TRAPPC12: variants seen among roughly 807,000 people sequenced by gnomAD.
The protein encoded by TRAPPC12 is TPR repeat protein 15.
A neutral mutation model predicts 69.2 loss-of-function variants in TRAPPC12; 61 were observed. That is an observed-to-expected ratio of 0.88 (90% CI 0.72 to 1.09). The LOEUF is 1.09. Among genes scored for constraint, TRAPPC12 ranks in the 50% least tolerant of loss-of-function variants. TRAPPC12 has a pLI of 0.00. For missense variants in TRAPPC12, 1,101 were observed against 1,016.4 expected (o/e 1.08, Z -1.13); for synonymous variants, 469 against 438.9 (o/e 1.07, Z -0.86).
At chr2:3,427,383 A>G (rs1663168177) in intron 5 of TRAPPC12, among the ~76,000 whole-genome samples, 1 of 152,180 alleles carries the variant, frequency 6.6e-6, no homozygotes, top group African/African-American at 2.4e-5. Flanking sequence ...CAGAAAACTC[A>G]GGTCATTGAG....
intron 3 of TRAPPC12, among the ~76,000 whole-genome samples, chr2:3,403,560 T>C (rs1661571167): frequency 6.6e-6 from 1 of 152,202 alleles, no homozygotes; most frequent in Non-Finnish European, 1.5e-5. Context: ...CAAACTTTAG[T>C]TCCTAAAGAT....
intron 9 of TRAPPC12, among the ~76,000 whole-genome samples, chr2:3,476,769 C>G (rs1003001917): frequency 6.6e-5 from 10 of 152,176 alleles, no homozygotes; most frequent in Non-Finnish European, 1.5e-4. Flanking sequence ...TGCCCCAGCC[C>G]TCCTCATGGA....
intron 5 of TRAPPC12, among the ~76,000 whole-genome samples, chr2:3,429,038 T>A (rs971044306): frequency 1.3e-5 from 2 of 152,250 alleles, no homozygotes; most frequent in African/African-American, 2.4e-5. Flanking sequence ...GCACCCAGGC[T>A]GCAAGCGGGA....
At chr2:3,404,182 C>T (rs1421270964) in intron 3 of TRAPPC12, among the ~76,000 whole-genome samples, 1 of 152,154 alleles carries the variant, frequency 6.6e-6, no homozygotes, top group Non-Finnish European at 1.5e-5. Context: ...CTTTCCGAAG[C>T]ATGGGTGGGG....
chr2:3,439,842 T>C (rs764375800), intron 5 of TRAPPC12, among the ~76,000 whole-genome samples: 5 of 152,162 alleles, frequency 3.3e-5, no homozygotes. Flanking sequence ...TAGTCTGTTA[T>C]TGGAGTTCAT....
chr2:3,457,437 A>G (rs957659851), intron 6 of TRAPPC12, among the ~76,000 whole-genome samples, 184 bp from the exon 7 acceptor site: 1 of 152,224 alleles, frequency 6.6e-6, no homozygotes, highest in Admixed American at 6.5e-5. Flanking sequence ...AATCTAAAAT[A>G]AAGTTGCAAT....
intron 5 of TRAPPC12, among the ~76,000 whole-genome samples, chr2:3,440,823 AG>A (rs369992746): frequency 5.4e-4 from 82 of 152,318 alleles, no homozygotes; most frequent in African/African-American, 1.7e-3. Flanking sequence ...TATTAAGTTG[AG>A]GAAGTTTCCC....
At chr2:3,421,647 G>A (rs747475627) in intron 3 of TRAPPC12, 27 of 708,708 alleles carry the variant, frequency 3.8e-5, no homozygotes, top group Admixed American at 3.4e-4. Flanking sequence ...TGATTTGATC[G>A]GCTTGAACTG....
chr2:3,386,193 A>G (rs1372104531), intron 1 of TRAPPC12, among the ~76,000 whole-genome samples: 2 of 152,226 alleles, frequency 1.3e-5, no homozygotes, highest in Non-Finnish European at 2.9e-5. Flanking sequence ...AGTCTTATCT[A>G]GAGATCAGCT....
At chr2:3,402,329 C>T (rs1008558728) in intron 3 of TRAPPC12, among the ~76,000 whole-genome samples, 1 of 152,188 alleles carries the variant, frequency 6.6e-6, no homozygotes, top group Non-Finnish European at 1.5e-5. Context: ...CAGTGGCTCA[C>T]ACCTGTAATC....
At chr2:3,430,103 T>C (rs1663344892) in intron 5 of TRAPPC12, among the ~76,000 whole-genome samples, 1 of 152,092 alleles carries the variant, frequency 6.6e-6, no homozygotes, top group African/African-American at 2.4e-5. Context: ...CATGAGCATA[T>C]CTGTCTTCAT....
chr2:3,382,924 CATAAA>C (rs1335587539), intron 1 of TRAPPC12, among the ~76,000 whole-genome samples: 5 of 152,118 alleles, frequency 3.3e-5, no homozygotes, highest in Admixed American at 6.5e-5. Flanking sequence ...GACTATGTCT[CATAAA>C]ATAATAATAC....
At chr2:3,406,609 T>G (rs550677085) in intron 3 of TRAPPC12, among the ~76,000 whole-genome samples, 1 of 152,358 alleles carries the variant, frequency 6.6e-6, no homozygotes, top group African/African-American at 2.4e-5. Context: ...ATCTGTATCC[T>G]TTATAATTTG....
At chr2:3,402,398 T>G (rs1483691489) in intron 3 of TRAPPC12, among the ~76,000 whole-genome samples, 1 of 152,190 alleles carries the variant, frequency 6.6e-6, no homozygotes, top group Non-Finnish European at 1.5e-5. Context: ...AAGACCAGCC[T>G]GGCCAACATG....
chr2:3,436,626 G>C (rs189111777), intron 5 of TRAPPC12, among the ~76,000 whole-genome samples: 1 of 151,918 alleles, frequency 6.6e-6, no homozygotes, highest in African/African-American at 2.4e-5. Flanking sequence ...CTCACTCTTG[G>C]TGTTGTCCCT....
intron 11 of TRAPPC12, 69 bp downstream of exon 11, chr2:3,479,002 C>A: frequency 6.5e-7 from 1 of 1,527,602 alleles, no homozygotes; most frequent in Non-Finnish European, 9.0e-7. Flanking sequence ...TACACCCACA[C>A]ACGTCTCAGC....
chr2:3,408,156 G>A (rs958056727), intron 3 of TRAPPC12, among the ~76,000 whole-genome samples: 3 of 152,196 alleles, frequency 2.0e-5, no homozygotes, highest in East Asian at 3.8e-4. Flanking sequence ...AAACACGTGT[G>A]CTTGACATGT....
In TRAPPC12 at chr2:3,383,871, G is replaced by GTTT. The variant is rs34956958; in HGVS notation, c.-4-3710_-4-3708dup. On this transcript the variant is annotated intron_variant, in intron 1 of 11. Coordinates refer to ENST00000324266, the MANE Select transcript of TRAPPC12 (RefSeq NM_016030.6). Reference sequence around the variant, plus strand: ...TATTCCCTTGTGATAGTTCAGTCTTGTTTTTTTTTTTTTTTTTTTTTTTTT... The same window carrying GTTT: ...TATTCCCTTGTGATAGTTCAGTCTTGTTTTTTTTTTTTTTTTTTTTTTTTTTTT... Among the ~76,000 whole-genome samples the GTTT allele has an allele frequency of 2.8e-3, 238 of 85,500 alleles. 24 individuals are homozygous for GTTT. The highest frequency in any genetic ancestry group is 7.4e-3 in the Middle Eastern group (1 of 136). The allele number at this position is 85,500 out of a possible 152,430, so 56.1% of individuals were successfully genotyped here. A position where few individuals can be genotyped will look rare whatever the true frequency, so the allele number is the denominator to read the frequency against.
At chr2:3,461,364 C>G (rs1423243510) in intron 8 of TRAPPC12, among the ~76,000 whole-genome samples, 2 of 152,240 alleles carry the variant, frequency 1.3e-5, no homozygotes, top group African/African-American at 4.8e-5. Flanking sequence ...TAGCGCAGCC[C>G]CAGTGCCCAG....
Sources: gnomAD v4.1 joint callset for allele counts (sites outside exome capture counted in the v4.1 genomes callset) on GRCh38, gnomAD v4.1.1 for gene constraint, MANE v1.5 for transcripts, NCBI Gene and HGNC (gene_info 2026-07-23, HGNC 2026-07-21) for gene names.